Variants in TSC22D1 observed in about 807,000 individuals in gnomAD.
TSC22D1 encodes TSC22 domain family protein 1.
Under a neutral mutation model 74.2 loss-of-function variants are expected in TSC22D1, and 9 were observed. The observed-to-expected ratio is 0.12, with a 90% CI of 0.07 to 0.21. The LOEUF (loss-of-function observed/expected upper bound fraction) is 0.21. Among genes scored for constraint, TSC22D1 ranks in the 10% least tolerant of loss-of-function variants. The probability of loss-of-function intolerance (pLI) is 1.00; values close to 1 mark genes in which losing one functional copy is unlikely to be tolerated. For synonymous variants in TSC22D1, 586 were observed against 492.5 expected (o/e 1.19, Z -2.51); for missense variants, 1,427 against 1,304.7 (o/e 1.09, Z -1.44).
intron 1 of TSC22D1, among the ~76,000 whole-genome samples, chr13:44,514,363 T>C (rs975731383): frequency 4.0e-5 from 6 of 151,694 alleles, no homozygotes; most frequent in African/African-American, 7.3e-5. Context: ...TTTGATGAAT[T>C]TGACTACATA....
chr13:44,485,979 A>G (rs1878412476), intron 1 of TSC22D1, among the ~76,000 whole-genome samples: 1 of 152,052 alleles, frequency 6.6e-6, no homozygotes, highest in African/African-American at 2.4e-5. Flanking sequence ...GGATTAGACA[A>G]AAGTATAAAC....
chr13:44,468,608 A>G (rs960735974), intron 1 of TSC22D1, among the ~76,000 whole-genome samples: 2 of 149,616 alleles, frequency 1.3e-5, no homozygotes, highest in African/African-American at 4.9e-5. Context: ...CAACAAACCA[A>G]GTAATTTTTT....
chr13:44,507,930 G>A (rs970797377), intron 1 of TSC22D1, among the ~76,000 whole-genome samples: 3 of 152,214 alleles, frequency 2.0e-5, no homozygotes, highest in African/African-American at 7.2e-5. Context: ...ATCACAGGCA[G>A]CTTCCTAGAG....
chr13:44,518,103 G>A (rs1234961855), intron 1 of TSC22D1, among the ~76,000 whole-genome samples: 7 of 149,000 alleles, frequency 4.7e-5, no homozygotes, highest in South Asian at 4.3e-4. Context: ...ATCCTCCAGC[G>A]TTGGCCTCCA....
chr13:44,531,641 C>T (rs1350092851), intron 1 of TSC22D1, among the ~76,000 whole-genome samples: 1 of 152,142 alleles, frequency 6.6e-6, no homozygotes, highest in East Asian at 1.9e-4. Flanking sequence ...CCTAACTCAA[C>T]CAGTGTTTCT....
Position 44,576,171 on chromosome 13 carries a change from C to A in TSC22D1, c.-97G>T. The A allele has an allele frequency of 2.2e-6, 3 of 1,368,520 alleles. No individual in the cohort carries two copies. The highest frequency in any genetic ancestry group is 3.3e-5 in the South Asian group (2 of 60,494). The allele number at this position is 1,368,520 out of a possible 1,614,324, so 84.8% of individuals were successfully genotyped here. ...CGCCGGAGAGGAAAACGGGACCTGACGCTCCGCCTGGCGCGATTCCTCCTT... is the reference window on the plus strand; with the variant it reads ...CGCCGGAGAGGAAAACGGGACCTGAAGCTCCGCCTGGCGCGATTCCTCCTT... On this transcript the variant is annotated 5_prime_UTR_variant, in exon 1 of 3. Transcript: ENST00000458659.
chr13:44,546,008 T>C (rs2138120794), intron 1 of TSC22D1, among the ~76,000 whole-genome samples: 1 of 151,636 alleles, frequency 6.6e-6, no homozygotes, highest in African/African-American at 2.4e-5. Context: ...AAAATACAAA[T>C]ACAAATAGAT....
intron 1 of TSC22D1, among the ~76,000 whole-genome samples, chr13:44,536,071 C>CT (rs996123199): frequency 6.6e-6 from 1 of 151,740 alleles, no homozygotes; most frequent in African/African-American, 2.4e-5. Context: ...AGAATCTTTA[C>CT]TTTTTTTCCA....
intron 1 of TSC22D1, among the ~76,000 whole-genome samples, chr13:44,445,216 TACACACAC>T (rs55714213): frequency 6.2e-5 from 9 of 144,676 alleles, no homozygotes; most frequent in East Asian, 4.0e-4. Flanking sequence ...AGGTCAAAGA[TACACACAC>T]ACACACACAC....
intron 1 of TSC22D1, among the ~76,000 whole-genome samples, chr13:44,463,145 A>G (rs147294041): frequency 1.7e-4 from 26 of 152,262 alleles, no homozygotes; most frequent in Admixed American, 3.3e-4. Context: ...GTGTTTGATT[A>G]AAGGGATCAG....
rs1410464617 is a variant in TSC22D1, at chr13:44,573,219, A to G, written c.2856T>C (p.Leu952=). The G allele has an allele frequency of 3.1e-6, 5 of 1,614,242 alleles. No homozygotes were observed. The highest frequency in any genetic ancestry group is 3.4e-6 in the Non-Finnish European group (4 of 1,180,046). Residue 952 remains leucine, a synonymous_variant, in exon 1 of 3, where the codon CTT becomes CTC. Transcript: ENST00000458659. ...SSSSLAASAS[L]FPLKVLPLTT... is the part of the protein sequence containing the mutation. ...TCAGCGGTAGCACCTTCAACGGGAA[A>G]AGAGAAGCAGAGGCTGCTAGGCTGC...
At position 44,574,563 on chromosome 13, in the gene TSC22D1, T is replaced by C. The variant is rs557685909; in HGVS notation, c.1512A>G (p.Gln504=). The C allele has an allele frequency of 1.2e-6, 2 of 1,614,094 alleles. No homozygotes were observed. The highest frequency in any genetic ancestry group is 2.2e-5 in the East Asian group (1 of 44,884). Reference sequence around the variant, plus strand: ...GGAGAGCTGGTTGTTGCTGTTGTTGTTGTTGTTGCTGCTGCTGCTGCTGCA... The same window carrying C: ...GGAGAGCTGGTTGTTGCTGTTGTTGCTGTTGTTGCTGCTGCTGCTGCTGCA... ...VVVQQQQQQQ[Q]QQQQQPALQG... is the part of the protein sequence containing the mutation. Residue 504 remains glutamine, a synonymous_variant, in exon 1 of 3, where the codon CAA becomes CAG. Coordinates refer to ENST00000458659, the MANE Select transcript of TSC22D1 (RefSeq NM_183422.4).
intron 1 of TSC22D1, chr13:44,538,580 T>G (rs1055096752): frequency 1.3e-5 from 13 of 985,316 alleles, no homozygotes; most frequent in Middle Eastern, 5.2e-4. Context: ...CTTCCTCTAT[T>G]TCAGTCTTCT....
intron 1 of TSC22D1, chr13:44,539,014 G>C (rs1881310604): frequency 1.6e-5 from 16 of 985,228 alleles, no homozygotes; most frequent in Non-Finnish European, 1.8e-5. Flanking sequence ...CCCATTGTAG[G>C]TGATAAGAAC....
At chr13:44,442,615 T>C (rs949713744) in intron 1 of TSC22D1, among the ~76,000 whole-genome samples, 1 of 151,586 alleles carries the variant, frequency 6.6e-6, no homozygotes, top group African/African-American at 2.4e-5. Context: ...AGAAGAAACG[T>C]TGAATAAAAA....
intron 1 of TSC22D1, among the ~76,000 whole-genome samples, chr13:44,568,814 ACAGATG>A (rs952275852): frequency 6.6e-6 from 1 of 152,200 alleles, no homozygotes; most frequent in African/African-American, 2.4e-5. Flanking sequence ...GACAGCGCTG[ACAGATG>A]AAAACCTGGG....
intron 1 of TSC22D1, among the ~76,000 whole-genome samples, chr13:44,471,218 T>C (rs1877582490): frequency 6.6e-6 from 1 of 152,184 alleles, no homozygotes. Flanking sequence ...TTTTAAAAAA[T>C]GTGCTTATTT....
intron 1 of TSC22D1, among the ~76,000 whole-genome samples, chr13:44,549,107 A>G (rs17065946): frequency 0.08 from 12,251 of 152,206 alleles, 717 homozygotes; most frequent in East Asian, 0.26. Flanking sequence ...CCTGAATTTT[A>G]ATATATTTTA....
chr13:44,439,383 G>A (rs1314086153), intron 1 of TSC22D1, among the ~76,000 whole-genome samples: 1 of 152,198 alleles, frequency 6.6e-6, no homozygotes, highest in African/African-American at 2.4e-5. Context: ...ACTTTTGTAT[G>A]AAAACTGAGA....
Sources: allele counts gnomAD v4.1 joint callset (sites outside exome capture counted in the v4.1 genomes callset), GRCh38; gene constraint gnomAD v4.1.1; transcripts MANE v1.5; gene names NCBI Gene and HGNC (gene_info 2026-07-23, HGNC 2026-07-21).